The following KDM4A variants were observed in gnomAD, a reference collection of about 807,000 sequenced individuals.
KDM4A encodes the protein lysine demethylase 4A.
A neutral mutation model predicts 127.1 loss-of-function variants in KDM4A; 23 were observed. The ratio of observed to expected loss-of-function variants is 0.18; its 90% CI spans 0.13 to 0.26. The LOEUF (loss-of-function observed/expected upper bound fraction) is 0.26. Ranked by LOEUF, KDM4A falls within the 10% of genes least tolerant of loss-of-function variation. The pLI is 1.00. For synonymous variants in KDM4A, 443 were observed against 466.5 expected (o/e 0.95, Z 0.65); for missense variants, 890 against 1,329.1 (o/e 0.67, Z 5.14).
chr1:43,679,645 TG>T (rs1292027183), intron 11 of KDM4A, among the ~76,000 whole-genome samples: 1 of 152,202 alleles, frequency 6.6e-6, no homozygotes, highest in Non-Finnish European at 1.5e-5. Flanking sequence ...AAAAGCACCC[TG>T]GCTGGCTGAC....
rs1189617160 is a variant in KDM4A, at chr1:43,655,490, TA to T, written c.139-97del. The T allele has an allele frequency of 4.9e-6, 5 of 1,014,158 alleles. No homozygotes were observed. The East Asian group carries it at 1.2e-4, about 25-fold the overall frequency. The allele number at this position is 1,014,158 out of a possible 1,614,324, so 62.8% of individuals were successfully genotyped here. On this transcript the variant is annotated intron_variant, in intron 2 of 21. Transcript: ENST00000372396. Reference sequence around the variant, plus strand: ...TGGGTAAATCAAAGTAACTGTCTAGTAAAATTGACTGTTAGGTTGGCTGGTA... The same window carrying T: ...TGGGTAAATCAAAGTAACTGTCTAGTAAATTGACTGTTAGGTTGGCTGGTA...
intron 6 of KDM4A, among the ~76,000 whole-genome samples, 182 bp downstream of exon 6, chr1:43,665,927 T>C (rs1044118999): frequency 6.6e-6 from 1 of 152,206 alleles, no homozygotes; most frequent in Admixed American, 6.5e-5. Context: ...TCCTTTGTCC[T>C]GACTGTCTGT....
chr1:43,669,229 G>T lies in KDM4A; in HGVS notation c.1293G>T (p.Pro431=), dbSNP rs144871235. Residue 431 remains proline (P), a synonymous_variant, in exon 10 of 22, where the codon CCG becomes CCT. Transcript: ENST00000372396. The stretch of plus-strand genomic sequence containing the variant: ...AGCAGTATGAGATGACGGAGTGCCC[G>T]GCAGCCCTCGCCCCTGTGAGGCCCA... The part of the protein sequence containing the change: ...SSEQYEMTEC[P]AALAPVRPTH... The T allele has an allele frequency of 4.3e-6, 7 of 1,614,210 alleles. No individual in the cohort carries two copies. The highest frequency in any genetic ancestry group is 5.9e-6 in the Non-Finnish European group (7 of 1,180,044).
At chr1:43,673,393 A>G (rs1660670491) in intron 11 of KDM4A, among the ~76,000 whole-genome samples, 1 of 152,084 alleles carries the variant, frequency 6.6e-6, no homozygotes, top group South Asian at 2.1e-4. Context: ...TACTCATCAT[A>G]TATATGATTA....
At chr1:43,676,483 G>A (rs1348458002) in intron 11 of KDM4A, among the ~76,000 whole-genome samples, 3 of 151,976 alleles carry the variant, frequency 2.0e-5, no homozygotes, top group Non-Finnish European at 4.4e-5. Flanking sequence ...ACCATGCCCG[G>A]CTAATTTTTG....
rs1422307061 is a variant in KDM4A at position 43,688,787 on chromosome 1, A to T, written c.1856-127A>T. 1.5e-5 allele frequency: 11 copies of T among 758,406 alleles called. No homozygotes were observed. Among genetic ancestry groups the T allele is most frequent in the Non-Finnish European group, 2.3e-5 (11 of 471,456 alleles). 47.0% of individuals were successfully genotyped at this position (758,406 alleles called of 1,614,324 possible). A position where few individuals can be genotyped will look rare whatever the true frequency, so the allele number is the denominator to read the frequency against. The stretch of plus-strand genomic sequence containing the variant: ...TCCACCCTTTGCCTTTATCATCCTT[A>T]GGAATTCAGGAGTCACCCTTGGTCC... On this transcript the variant is annotated intron_variant, in intron 12 of 21. Coordinates refer to ENST00000372396, the MANE Select transcript of KDM4A (RefSeq NM_014663.3). The surrounding 1 kb of genome is among the most constrained non-coding windows in gnomAD (Gnocchi z 4.4).
chr1:43,652,679 C>CTTTTTTTT (rs771216218), intron 1 of KDM4A, among the ~76,000 whole-genome samples: 16 of 118,748 alleles, frequency 1.3e-4, no homozygotes, highest in Non-Finnish European at 2.1e-4. Flanking sequence ...TTCTTTCTTT[C>CTTTTTTTT]TTTTTTTTTT....
intron 18 of KDM4A, among the ~76,000 whole-genome samples, chr1:43,697,494 C>T (rs547533423): frequency 2.6e-5 from 4 of 152,224 alleles, no homozygotes; most frequent in African/African-American, 9.6e-5. Context: ...CCTATTGAGT[C>T]TCTCCTTCGA....
intron 10 of KDM4A, among the ~76,000 whole-genome samples, chr1:43,671,233 C>T (rs1261099290): frequency 6.6e-6 from 1 of 152,202 alleles, no homozygotes. Flanking sequence ...CTGCCCCTTA[C>T]TGAGTGTCTG....
Position 43,704,379 on chromosome 1 carries a change from AG to A in KDM4A, c.*12del. 1 of 1,609,718 alleles carries A rather than the reference AG, an allele frequency of 6.2e-7. No individual in the cohort carries two copies. The highest frequency in any genetic ancestry group is 1.3e-5 in the African/African-American group (1 of 74,764). ...GGGCCATCATGGAGTAGGTGCTTCC[AG>A]GGTCCAAGGGATTCTCAGCCATCCA... is the stretch of plus-strand genomic sequence containing the variant. On this transcript the variant is annotated 3_prime_UTR_variant, in exon 22 of 22. Coordinates refer to ENST00000372396, the MANE Select transcript of KDM4A (RefSeq NM_014663.3).
intron 11 of KDM4A, among the ~76,000 whole-genome samples, chr1:43,673,629 G>A (rs1660676401): frequency 6.6e-6 from 1 of 152,070 alleles, no homozygotes; most frequent in East Asian, 1.9e-4. Flanking sequence ...TGTGGTTGCA[G>A]GCTAATGAGC....
At chr1:43,697,156 C>T (rs987036078) in intron 18 of KDM4A, among the ~76,000 whole-genome samples, 15 of 152,164 alleles carry the variant, frequency 9.9e-5, no homozygotes, top group African/African-American at 3.6e-4. Flanking sequence ...CCCTGGGTGG[C>T]AGCACATATG....
intron 18 of KDM4A, among the ~76,000 whole-genome samples, chr1:43,695,818 C>T (rs1448011113): frequency 2.0e-5 from 3 of 151,848 alleles, no homozygotes; most frequent in Admixed American, 6.6e-5. Context: ...GGTTTATTGA[C>T]CCTCGTGGGT....
At chr1:43,696,397 C>T (rs545575159) in intron 18 of KDM4A, among the ~76,000 whole-genome samples, 31 of 152,310 alleles carry the variant, frequency 2.0e-4, no homozygotes, top group African/African-American at 6.0e-4. Flanking sequence ...AAAGGAAGAA[C>T]GTGATAGATG....
intron 11 of KDM4A, among the ~76,000 whole-genome samples, chr1:43,680,756 C>T (rs1046560573): frequency 2.0e-5 from 3 of 152,274 alleles, no homozygotes; most frequent in African/African-American, 7.2e-5. Context: ...ACAGACTCTT[C>T]TGCTTCCTTC....
At chr1:43,685,494 C>T (rs993489295) in intron 12 of KDM4A, among the ~76,000 whole-genome samples, 14 of 151,682 alleles carry the variant, frequency 9.2e-5, no homozygotes, top group South Asian at 2.1e-4. Context: ...TATAGCCGGG[C>T]GTGGTGGCTC....
chr1:43,699,623 T>C (rs370088869), intron 19 of KDM4A: 2 of 152,290 alleles, frequency 1.3e-5, no homozygotes, highest in South Asian at 2.1e-4. Flanking sequence ...TTAAAGCAGA[T>C]TGATTTAAAA....
chr1:43,689,737 A>T (rs1661066285), intron 13 of KDM4A, among the ~76,000 whole-genome samples: 2 of 152,050 alleles, frequency 1.3e-5, no homozygotes, highest in South Asian at 4.1e-4. Flanking sequence ...CTCAGCTGGG[A>T]CCTGCACAGC....
chr1:43,660,464 C>CT (rs763292502), intron 4 of KDM4A, 52 bp downstream of exon 4: 4 of 1,543,180 alleles, frequency 2.6e-6, no homozygotes, highest in African/African-American at 1.4e-5. Flanking sequence ...TTTGTAATAC[C>CT]TTTTTTTCGG....
Sources: allele counts gnomAD v4.1 joint callset (sites outside exome capture counted in the v4.1 genomes callset), GRCh38; gene constraint gnomAD v4.1.1; non-coding constraint Gnocchi (gnomAD v3.1); transcripts MANE v1.5; gene names NCBI Gene and HGNC (gene_info 2026-07-23, HGNC 2026-07-21).